The following EDAR variants were observed in gnomAD, a reference collection of about 807,000 sequenced individuals.
The protein encoded by EDAR is tumor necrosis factor receptor superfamily member EDAR.
Under a neutral mutation model 51.3 loss-of-function variants are expected in EDAR, and 38 were observed. The observed-to-expected ratio is 0.74, with a 90% CI of 0.57 to 0.97. EDAR has a LOEUF of 0.97. EDAR is among the 50% of genes least tolerant of loss of function. EDAR has a pLI of 0.00. For synonymous variants in EDAR, 227 were observed against 242.1 expected (o/e 0.94, Z 0.58); for missense variants, 528 against 595.0 (o/e 0.89, Z 1.17).
rs1185642747 is a variant in EDAR, at chr2:108,910,519, C to T, written c.744G>A (p.Met248Ile). ...TCTCAAATTCATCCTTCTCGGAGAA[C>T]ATCACCACGTTGTCTGCAGGGAAAT... ...EKKEAPDNVV[M>I]FSEKDEFEKL... is the part of the protein sequence containing the mutation. Residue 248 changes from methionine to isoleucine, a missense_variant, in exon 9 of 12, where the codon ATG (methionine) becomes ATA (isoleucine). By Grantham distance (10) the Met-to-Ile change is conservative (BLOSUM62 1). Transcript: ENST00000258443. 4.3e-6 allele frequency: 7 copies of T among 1,613,542 alleles called. No individual in the cohort carries two copies. Among genetic ancestry groups the T allele is most frequent in the Admixed American group, 1.7e-5 (1 of 59,964 alleles).
At chr2:108,901,781 T>C (rs1335616663) in intron 11 of EDAR, among the ~76,000 whole-genome samples, 1 of 152,216 alleles carries the variant, frequency 6.6e-6, no homozygotes, top group African/African-American at 2.4e-5. Flanking sequence ...AACAGACTTA[T>C]AACTATTAAG....
At chr2:108,979,467 TCACACACACACACA>T (rs5833308) in intron 1 of EDAR, among the ~76,000 whole-genome samples, 10 of 147,112 alleles carry the variant, frequency 6.8e-5, no homozygotes, top group South Asian at 4.4e-4. Flanking sequence ...TCTCTCTCTC[TCACACACACACACA>T]CACACACACA....
Position 108,975,851 on chromosome 2 carries a change from T to C in EDAR, c.-19+13109A>G, listed in dbSNP as rs573049125. ...GAAGTCAAGGCCACCCCTCAACTGC[T>C]GGACGGCGTTCTGTGGATGGTGGAA... is the stretch of plus-strand genomic sequence containing the variant. On this transcript the variant is annotated intron_variant, in intron 1 of 11. Coordinates refer to ENST00000258443, the MANE Select transcript of EDAR (RefSeq NM_022336.4). Among the ~76,000 whole-genome samples, 3 of 152,292 alleles carry C rather than the reference T, an allele frequency of 2.0e-5. No homozygotes were observed. In the East Asian group the frequency reaches 5.8e-4, roughly 29 times the overall value.
At chr2:108,909,337 A>C (rs1696870591) in intron 9 of EDAR, among the ~76,000 whole-genome samples, 2 of 151,996 alleles carry the variant, frequency 1.3e-5, no homozygotes, top group African/African-American at 4.8e-5. Context: ...TAAGAGTTCC[A>C]TGCAGGGTGA....
chr2:108,960,234 G>A (rs904050627), intron 1 of EDAR, among the ~76,000 whole-genome samples: 2 of 152,186 alleles, frequency 1.3e-5, no homozygotes, highest in African/African-American at 4.8e-5. Context: ...TTGTCCACAA[G>A]AGCCTCAAAC....
intron 3 of EDAR, 119 bp downstream of exon 3, chr2:108,930,001 G>A (rs766820732): frequency 1.1e-4 from 135 of 1,272,860 alleles, no homozygotes; most frequent in Middle Eastern, 2.7e-4. Flanking sequence ...GAGCGTGACC[G>A]GCTGGTTTGA....
At chr2:108,932,528 CAAAAAAAAAAAAA>C (rs1171012818) in intron 1 of EDAR, among the ~76,000 whole-genome samples, 11 of 39,156 alleles carry the variant, frequency 2.8e-4, no homozygotes, top group South Asian at 1.1e-3. Flanking sequence ...GACTCTGTCT[CAAAAAAAAAAAAA>C]AAAAAAAAAA....
intron 1 of EDAR, among the ~76,000 whole-genome samples, chr2:108,984,759 A>G (rs1698470868): frequency 6.6e-6 from 1 of 151,790 alleles, no homozygotes; most frequent in Non-Finnish European, 1.5e-5. Flanking sequence ...AAGCTCTGTG[A>G]GTGCAGGGAT....
intron 1 of EDAR, among the ~76,000 whole-genome samples, chr2:108,975,470 T>C (rs1170966985): frequency 6.6e-6 from 1 of 152,092 alleles, no homozygotes; most frequent in African/African-American, 2.4e-5. Flanking sequence ...GCGTCTACTT[T>C]AACCTGGGAC....
intron 7 of EDAR, 35 bp downstream of exon 7, chr2:108,910,912 C>T (rs746403053): frequency 1.2e-6 from 2 of 1,613,956 alleles, no homozygotes; most frequent in South Asian, 2.2e-5. Context: ...ACGGAGAGTC[C>T]AGGAAGCAGG....
At chr2:108,936,496 C>T (rs1697472134) in intron 1 of EDAR, among the ~76,000 whole-genome samples, 1 of 152,094 alleles carries the variant, frequency 6.6e-6, no homozygotes, top group Non-Finnish European at 1.5e-5. Flanking sequence ...CCTGCCCACC[C>T]AGCGCTACTC....
rs138769166 is a variant in EDAR at position 108,910,562 on chromosome 2, A to G, written c.731-30T>C. ...AGGGAAATGGGGAGGTTGGGGAGATAGGAGTTAGAATTGGCTCATGGCTCT... is the reference window on the plus strand; with the variant it reads ...AGGGAAATGGGGAGGTTGGGGAGATGGGAGTTAGAATTGGCTCATGGCTCT... On this transcript the variant is annotated intron_variant, in intron 8 of 11. Transcript: ENST00000258443. 17 of 1,588,116 alleles carry G rather than the reference A, an allele frequency of 1.1e-5. No homozygotes were observed. The East Asian group carries it at 3.6e-4, about 33-fold the overall frequency.
chr2:108,907,410 C>T (rs1268046606), intron 10 of EDAR, among the ~76,000 whole-genome samples: 1 of 152,064 alleles, frequency 6.6e-6, no homozygotes, highest in African/African-American at 2.4e-5. Flanking sequence ...CTTTGGAAGG[C>T]CGAGGCGGGT....
At chr2:108,982,957 A>G (rs1009309985) in intron 1 of EDAR, among the ~76,000 whole-genome samples, 3 of 152,220 alleles carry the variant, frequency 2.0e-5, no homozygotes, top group Non-Finnish European at 4.4e-5. Context: ...CTCTCTAAGA[A>G]TGAGCTAAAA....
intron 1 of EDAR, among the ~76,000 whole-genome samples, chr2:108,966,047 A>T (rs962092008): frequency 6.6e-6 from 1 of 152,192 alleles, no homozygotes; most frequent in African/African-American, 2.4e-5. Context: ...CAATTAAAAC[A>T]TTCAATATCA....
intron 1 of EDAR, among the ~76,000 whole-genome samples, chr2:108,963,461 G>A (rs536086666): frequency 2.4e-4 from 37 of 152,234 alleles, no homozygotes; most frequent in African/African-American, 8.2e-4. Context: ...GTGGATTCAC[G>A]TGCACTTGTA....
At chr2:108,938,928 C>T (rs559796270) in intron 1 of EDAR, among the ~76,000 whole-genome samples, 4 of 151,954 alleles carry the variant, frequency 2.6e-5, no homozygotes, top group East Asian at 3.9e-4. Flanking sequence ...TACAGGCACC[C>T]GCCACCACAT....
At chr2:108,966,802 T>C (rs912853542) in intron 1 of EDAR, among the ~76,000 whole-genome samples, 1 of 152,194 alleles carries the variant, frequency 6.6e-6, no homozygotes, top group African/African-American at 2.4e-5. Flanking sequence ...GGAGGATTGA[T>C]TGCCTGGGGA....
At chr2:108,967,515 T>C (rs1009727001) in intron 1 of EDAR, among the ~76,000 whole-genome samples, 2 of 152,030 alleles carry the variant, frequency 1.3e-5, no homozygotes, top group African/African-American at 2.4e-5. Context: ...TTTTTTATTA[T>C]CAAAGAGGTT....
Sources: gnomAD v4.1 joint callset for allele counts (sites outside exome capture counted in the v4.1 genomes callset) on GRCh38, gnomAD v4.1.1 for gene constraint, MANE v1.5 for transcripts, NCBI Gene and HGNC (gene_info 2026-07-23, HGNC 2026-07-21) for gene names.